CTSH: variants seen among roughly 807,000 people sequenced by gnomAD.
CTSH encodes cathepsin H, also known as pro-cathepsin H.
A neutral mutation model predicts 56.3 loss-of-function variants in CTSH; 52 were observed. The observed-to-expected ratio is 0.92, with a 90% CI of 0.74 to 1.16. The LOEUF (loss-of-function observed/expected upper bound fraction) is 1.16. Ranked by LOEUF, CTSH falls within the 50% of genes most tolerant of loss-of-function variation. The probability of loss-of-function intolerance (pLI) is 0.00; values close to 1 mark genes in which losing one functional copy is unlikely to be tolerated. For missense variants in CTSH, 406 were observed against 424.5 expected (o/e 0.96, Z 0.38); for synonymous variants, 174 against 155.7 (o/e 1.12, Z -0.88).
Position 78,924,692 on chromosome 15 carries a change from A to ATT in CTSH, c.806+640_806+641dup, listed in dbSNP as rs557517206. 2.2e-3 allele frequency among the ~76,000 whole-genome samples: 319 copies of ATT among 144,908 alleles called. 1 individual carries two copies. Among genetic ancestry groups the ATT allele is most frequent in the African/African-American group, 5.7e-3 (224 of 39,256 alleles). ...CGTCTTCAAATCTTTAAACATGGGT[A>ATT]TTTTTTTTTTTTTCTGAGACAGAGC... is the stretch of plus-strand genomic sequence containing the variant. On this transcript the variant is annotated intron_variant, in intron 10 of 11. Coordinates refer to ENST00000220166, the MANE Select transcript of CTSH (RefSeq NM_004390.5).
At chr15:78,933,916 C>A in intron 5 of CTSH, among the ~76,000 whole-genome samples, 1 of 152,216 alleles carries the variant, frequency 6.6e-6, no homozygotes, top group East Asian at 1.9e-4. Flanking sequence ...CTTAGCCCAG[C>A]CGGCTGCGTC....
chr15:78,926,141 G>A (rs2054899253), intron 9 of CTSH: 1 of 152,486 alleles, frequency 6.6e-6, no homozygotes, highest in Non-Finnish European at 1.5e-5. Flanking sequence ...CTAACCAAGA[G>A]ACCTCTGGGA....
chr15:78,927,557 C>A, intron 9 of CTSH, 156 bp downstream of exon 9: 1 of 653,228 alleles, frequency 1.5e-6, no homozygotes, highest in Non-Finnish European at 2.7e-6. Context: ...TGCCTCGCCA[C>A]CATCACAGCG....
rs766190228 is a variant in CTSH at position 78,923,064 on chromosome 15, C to G, written c.861G>C (p.Gly287=). The change falls in exon 11 of 12, where the codon GGG becomes GGC. Residue 287 remains glycine (G), a synonymous_variant. Coordinates refer to ENST00000220166, the MANE Select transcript of CTSH (RefSeq NM_004390.5). ...AAGGGATCCCATTTTTTTCTCCATA[C>G]CCAACAGCCAGTACTGCATGGTTTA... ...DKVNHAVLAV[G]YGEKNGIPYW... The G allele has an allele frequency of 5.0e-6, 8 of 1,612,624 alleles. No homozygotes were observed. In the East Asian group the frequency reaches 1.1e-4, roughly 22 times the overall value.
chr15:78,930,553 TA>T (rs2055031250), intron 7 of CTSH, among the ~76,000 whole-genome samples: 1 of 150,852 alleles, frequency 6.6e-6, no homozygotes, highest in Non-Finnish European at 1.5e-5. Flanking sequence ...AATAAATAAA[TA>T]AATAAATAAA....
chr15:78,943,322 A>T (rs879944695), intron 1 of CTSH, among the ~76,000 whole-genome samples: 4 of 152,052 alleles, frequency 2.6e-5, no homozygotes, highest in Non-Finnish European at 5.9e-5. Context: ...GCCACCTCTC[A>T]GTTTCAAGCG....
chr15:78,932,091 T>A (rs764637389), intron 6 of CTSH: 1 of 1,265,670 alleles, frequency 7.9e-7, no homozygotes, highest in Non-Finnish European at 1.0e-6. Context: ...AGGCTCCGCC[T>A]TTCTGAACCC....
chr15:78,928,401 C>G (rs2054964122), intron 8 of CTSH, among the ~76,000 whole-genome samples: 1 of 139,734 alleles, frequency 7.2e-6, no homozygotes. Context: ...CCTGTCTCTA[C>G]TAAAAATATA....
At chr15:78,922,587 C>T (rs1186765346) in intron 11 of CTSH, among the ~76,000 whole-genome samples, 2 of 152,214 alleles carry the variant, frequency 1.3e-5, no homozygotes, top group African/African-American at 4.8e-5. Flanking sequence ...GCAGCATATA[C>T]ACCCAGGCCG....
chr15:78,926,359 CA>C (rs1318841233), intron 9 of CTSH: 1 of 152,290 alleles, frequency 6.6e-6, no homozygotes, highest in Non-Finnish European at 1.5e-5. Flanking sequence ...CCCAACAGGT[CA>C]GGGCATATCT....
chr15:78,943,752 C>T (rs1322769047), intron 1 of CTSH, among the ~76,000 whole-genome samples: 1 of 152,206 alleles, frequency 6.6e-6, no homozygotes, highest in African/African-American at 2.4e-5. Flanking sequence ...ACAGAGACCA[C>T]CATAAAGCCT....
rs60888706 is a variant in CTSH, at chr15:78,928,446, C to G, written c.631-665G>C. Among the ~76,000 whole-genome samples, 247 of 123,472 alleles carry G rather than the reference C, an allele frequency of 2.0e-3. 28 individuals are homozygous for G. The highest frequency in any genetic ancestry group is 0.01 in the East Asian group (29 of 2,884). 81.0% of individuals were successfully genotyped at this position (123,472 alleles called of 152,430 possible). ...CTGGGCGTGGTGGCGGGTGCCTGTACTCCCAGCTACTCAGGAGGCTGAGGC... is the reference window on the plus strand; with the variant it reads ...CTGGGCGTGGTGGCGGGTGCCTGTAGTCCCAGCTACTCAGGAGGCTGAGGC... On this transcript the variant is annotated intron_variant, in intron 8 of 11. Coordinates refer to ENST00000220166, the MANE Select transcript of CTSH (RefSeq NM_004390.5).
intron 10 of CTSH, among the ~76,000 whole-genome samples, chr15:78,924,106 G>C (rs1390122429): frequency 7.4e-6 from 1 of 135,526 alleles, no homozygotes; most frequent in South Asian, 2.9e-4. Flanking sequence ...CGGGGGGGGG[G>C]GGGAGGGTGG....
At chr15:78,934,699 T>C (rs1213618698) in intron 5 of CTSH, 1 of 483,966 alleles carries the variant, frequency 2.1e-6, no homozygotes, top group South Asian at 2.0e-5. Flanking sequence ...GATGGCTCTG[T>C]AGGAGAGACC....
chr15:78,932,535 G>A (rs2055085813), intron 5 of CTSH, 77 bp from the exon 6 acceptor site: 1 of 1,156,002 alleles, frequency 8.7e-7, no homozygotes, highest in Non-Finnish European at 1.3e-6. Context: ...GCCTTCCTCT[G>A]CTGACCCTGC....
intron 10 of CTSH, 126 bp from the exon 11 acceptor site, chr15:78,923,244 A>T: frequency 9.9e-7 from 1 of 1,007,014 alleles, no homozygotes; most frequent in Non-Finnish European, 1.5e-6. Flanking sequence ...GGAGGCATGT[A>T]AGGTGGTGAT....
At chr15:78,939,518 T>A (rs1210936693) in intron 1 of CTSH, among the ~76,000 whole-genome samples, 1 of 152,212 alleles carries the variant, frequency 6.6e-6, no homozygotes, top group African/African-American at 2.4e-5. Flanking sequence ...TTGAGAAAAT[T>A]CGTGGAAATG....
intron 1 of CTSH, among the ~76,000 whole-genome samples, chr15:78,941,151 G>C (rs890102155): frequency 3.3e-5 from 5 of 152,028 alleles, no homozygotes; most frequent in Admixed American, 3.3e-4. Context: ...TTTTGGCTGG[G>C]CGCCGTGGCT....
chr15:78,938,992 G>T, intron 2 of CTSH, 148 bp downstream of exon 2: 1 of 721,730 alleles, frequency 1.4e-6, no homozygotes, highest in Non-Finnish European at 2.4e-6. Context: ...ATCTTTCCCA[G>T]TGTTTGGCCA....
Sources: allele counts gnomAD v4.1 joint callset (sites outside exome capture counted in the v4.1 genomes callset), GRCh38; gene constraint gnomAD v4.1.1; transcripts MANE v1.5; gene names NCBI Gene and HGNC (gene_info 2026-07-23, HGNC 2026-07-21).